Variants in VSTM2L observed in about 807,000 individuals in gnomAD.
VSTM2L encodes V-set and transmembrane domain containing 2 like, also known as V-set and transmembrane domain-containing protein 2-like protein.
A neutral mutation model predicts 19.9 loss-of-function variants in VSTM2L; 9 were observed. The observed-to-expected ratio is 0.45, with a 90% CI of 0.27 to 0.79. VSTM2L has a LOEUF of 0.79. VSTM2L is among the 30% of genes least tolerant of loss of function. The probability of loss-of-function intolerance (pLI) is 0.15; values close to 1 mark genes in which losing one functional copy is unlikely to be tolerated. For missense variants in VSTM2L, 286 were observed against 295.5 expected, an observed-to-expected ratio of 0.97 and a Z score of 0.24; for synonymous variants, 127 against 133.8, an observed-to-expected ratio of 0.95 and a Z score of 0.35.
Position 37,945,252 on chromosome 20 carries a change from G to A in VSTM2L, c.*999G>A, listed in dbSNP as rs992394161. 1.3e-5 allele frequency: 13 copies of A among 985,434 alleles called. No homozygotes were observed. Among genetic ancestry groups the A allele is most frequent in the African/African-American group, 1.7e-5 (1 of 57,244 alleles). 61.0% of individuals were successfully genotyped at this position (985,434 alleles called of 1,614,324 possible). A position where few individuals can be genotyped will look rare whatever the true frequency, so the allele number is the denominator to read the frequency against. On this transcript the variant is annotated 3_prime_UTR_variant, in exon 4 of 4. Coordinates refer to ENST00000373461, the MANE Select transcript of VSTM2L (RefSeq NM_080607.3). ...GCAGCTCAGTGATGACGTGGGGGAG[G>A]TGGGAGAGGCCGAGGGCTTTGCCTA...
At chr20:37,918,679 G>A (rs1235043563) in intron 1 of VSTM2L, among the ~76,000 whole-genome samples, 12 of 152,186 alleles carry the variant, frequency 7.9e-5, no homozygotes, top group Admixed American at 7.9e-4. Context: ...GGGACCCTGT[G>A]GAAATGGTGA....
At position 37,933,549 on chromosome 20, in the gene VSTM2L, C is replaced by T. The variant is rs1385674769; in HGVS notation, c.302C>T (p.Ser101Phe). 1 of 1,567,690 alleles carries T rather than the reference C, an allele frequency of 6.4e-7. No homozygotes were observed. Among genetic ancestry groups the T allele is most frequent in the Non-Finnish European group, 8.7e-7 (1 of 1,153,534 alleles). ...QAWASNQLKA[S>F]QQEDAGKEAT... ...CCCCGATCCCAACAGCTAAAAGCAT[C>T]TCAGCAGGAAGACGCAGGGAAGGAG... Residue 101 changes from serine to phenylalanine, a missense_variant, in exon 3 of 4, where the codon TCT (serine) becomes TTT (phenylalanine). By Grantham distance (155) the Ser-to-Phe change is radical (BLOSUM62 -2). Transcript: ENST00000373461.
chr20:37,903,549 G>A, intron 1 of VSTM2L, 78 bp downstream of exon 1: 14 of 1,331,212 alleles, frequency 1.1e-5, no homozygotes, highest in Non-Finnish European at 1.3e-5. Flanking sequence ...TGGCCGCCCC[G>A]GGGCTCGAAC....
At chr20:37,912,801 C>A (rs1371596556) in intron 1 of VSTM2L, among the ~76,000 whole-genome samples, 1 of 152,184 alleles carries the variant, frequency 6.6e-6, no homozygotes, top group Non-Finnish European at 1.5e-5. Flanking sequence ...CGGCCCCTTA[C>A]TCTCTGGATC....
chr20:37,918,143 G>A (rs2072830232), intron 1 of VSTM2L, among the ~76,000 whole-genome samples: 1 of 152,190 alleles, frequency 6.6e-6, no homozygotes, highest in Admixed American at 6.5e-5. Context: ...CAAGGATGCT[G>A]TCCCAAGAGC....
chr20:37,903,564 G>T (rs1034415231), intron 1 of VSTM2L, 93 bp downstream of exon 1: 52 of 1,314,960 alleles, frequency 4.0e-5, no homozygotes, highest in Non-Finnish European at 4.9e-5. Context: ...TCGAACCGGC[G>T]CCAGTCGTGG....
Position 37,921,418 on chromosome 20 carries a change from C to A in VSTM2L, c.122-10217C>A, listed in dbSNP as rs1029443211. Reference sequence around the variant, plus strand: ...CCAAGTACGGGAGCTTCCTGAAGGCCCCAGGCAGCCCGGAGTAGGGAAAAT... The same window carrying A: ...CCAAGTACGGGAGCTTCCTGAAGGCACCAGGCAGCCCGGAGTAGGGAAAAT... On this transcript the variant is annotated intron_variant, in intron 1 of 3. Coordinates refer to ENST00000373461, the MANE Select transcript of VSTM2L (RefSeq NM_080607.3). Among the ~76,000 whole-genome samples the A allele has an allele frequency of 4.5e-4, 69 of 152,154 alleles. 1 individual carries two copies. Among genetic ancestry groups the A allele is most frequent in the Non-Finnish European group, 1.5e-4 (10 of 68,026 alleles).
chr20:37,924,877 C>T (rs2072871611), intron 1 of VSTM2L, among the ~76,000 whole-genome samples: 1 of 152,142 alleles, frequency 6.6e-6, no homozygotes, highest in South Asian at 2.1e-4. Flanking sequence ...AGTGTGGAGC[C>T]TAGCAGCTGA....
chr20:37,921,300 T>C (rs2072849710), intron 1 of VSTM2L, among the ~76,000 whole-genome samples: 2 of 152,120 alleles, frequency 1.3e-5, no homozygotes, highest in Non-Finnish European at 2.9e-5. Context: ...GGGCTGCAGT[T>C]GGGGTCTGGG....
Position 37,933,579 on chromosome 20 carries a change from C to G in VSTM2L, c.332C>G (p.Thr111Ser). 6.2e-7 allele frequency: 1 copy of G among 1,612,076 alleles called. No individual in the cohort carries two copies. The highest frequency in any genetic ancestry group is 1.3e-5 in the African/African-American group (1 of 74,236). Reference protein sequence around the residue: ...SQQEDAGKEATKISVVKVVGS... With the variant: ...SQQEDAGKEASKISVVKVVGS... Reference sequence around the variant, plus strand: ...CAGGAAGACGCAGGGAAGGAGGCAACCAAAATAAGTGTGAGTTTTGATAAT... The same window carrying G: ...CAGGAAGACGCAGGGAAGGAGGCAAGCAAAATAAGTGTGAGTTTTGATAAT... Residue 111 changes from threonine (T) to serine (S), a missense_variant, in exon 3 of 4, where the codon ACC becomes AGC. Coordinates refer to ENST00000373461, the MANE Select transcript of VSTM2L (RefSeq NM_080607.3).
intron 1 of VSTM2L, among the ~76,000 whole-genome samples, chr20:37,921,516 G>A (rs1288519779): frequency 6.6e-6 from 1 of 152,216 alleles, no homozygotes; most frequent in Non-Finnish European, 1.5e-5. Context: ...TGTGCATGGT[G>A]TTGCTCTAGC....
Position 37,903,216 on chromosome 20 carries a change from C to T in VSTM2L, c.-135C>T, listed in dbSNP as rs992733852. The T allele has an allele frequency of 1.2e-4, 133 of 1,144,378 alleles. No homozygotes were observed. The African/African-American group carries it at 2.0e-3, about 18-fold the overall frequency. The allele number at this position is 1,144,378 out of a possible 1,614,324, so 70.9% of individuals were successfully genotyped here. A position where few individuals can be genotyped will look rare whatever the true frequency, so the allele number is the denominator to read the frequency against. On this transcript the variant is annotated 5_prime_UTR_variant, in exon 1 of 4. Coordinates refer to ENST00000373461, the MANE Select transcript of VSTM2L (RefSeq NM_080607.3). The stretch of plus-strand genomic sequence containing the variant: ...GCGAGGGCTGGGAGCTGGGCCGGGT[C>T]CGGGGACAGCGGGCGAGGGGCAGCT...
At chr20:37,930,892 C>T (rs2072904796) in intron 1 of VSTM2L, among the ~76,000 whole-genome samples, 2 of 152,186 alleles carry the variant, frequency 1.3e-5, no homozygotes, top group Non-Finnish European at 2.9e-5. Context: ...CCTCCTGGAG[C>T]TGCCGCAGGC....
chr20:37,944,423 C>A lies in VSTM2L; in HGVS notation c.*170C>A. On this transcript the variant is annotated 3_prime_UTR_variant, in exon 4 of 4. Transcript: ENST00000373461. The stretch of plus-strand genomic sequence containing the variant: ...CCACCCCTTGCTCAGCATGTAAGCC[C>A]CACCCACCCCTGCCCTTTCAGACCC... 8.5e-7 allele frequency: 1 copy of A among 1,182,612 alleles called. No individual in the cohort carries two copies. Among genetic ancestry groups the A allele is most frequent in the Non-Finnish European group, 1.1e-6 (1 of 907,624 alleles). The allele number at this position is 1,182,612 out of a possible 1,614,324, so 73.3% of individuals were successfully genotyped here.
intron 3 of VSTM2L, among the ~76,000 whole-genome samples, chr20:37,935,238 A>G (rs984098810): frequency 1.3e-5 from 2 of 152,186 alleles, no homozygotes; most frequent in Non-Finnish European, 2.9e-5. Context: ...CCCCACCCCC[A>G]GCCCCTGCAA....
chr20:37,908,316 TAA>T (rs934143591), intron 1 of VSTM2L, among the ~76,000 whole-genome samples: 4 of 152,056 alleles, frequency 2.6e-5, no homozygotes, highest in African/African-American at 9.7e-5. Flanking sequence ...GGGAGTCGGG[TAA>T]GTGACCCCTT....
At position 37,924,486 on chromosome 20, in the gene VSTM2L, A is replaced by G. The variant is rs182859397; in HGVS notation, c.122-7149A>G. On this transcript the variant is annotated intron_variant, in intron 1 of 3. Coordinates refer to ENST00000373461, the MANE Select transcript of VSTM2L (RefSeq NM_080607.3). ...GGAGAATCGCTTGAACCTGGGAAGC[A>G]GAGGTTGCAGTGAGCCGAGATGGCA... Among the ~76,000 whole-genome samples the G allele has an allele frequency of 6.8e-3, 1,023 of 150,420 alleles. 6 individuals are homozygous for G. The highest frequency in any genetic ancestry group is 0.011 in the Admixed American group (163 of 15,122).
intron 1 of VSTM2L, among the ~76,000 whole-genome samples, chr20:37,907,955 T>C (rs1485077630): frequency 6.6e-6 from 1 of 152,218 alleles, no homozygotes; most frequent in Non-Finnish European, 1.5e-5. Context: ...GTTTGGTGGC[T>C]GGAAGATGAA....
At chr20:37,931,366 C>T (rs903450139) in intron 1 of VSTM2L, among the ~76,000 whole-genome samples, 4 of 152,144 alleles carry the variant, frequency 2.6e-5, no homozygotes, top group African/African-American at 9.7e-5. Context: ...CCACAGCGCC[C>T]GGCTGCTGGT....
Sources: gnomAD v4.1 joint callset for allele counts (sites outside exome capture counted in the v4.1 genomes callset) on GRCh38, gnomAD v4.1.1 for gene constraint, MANE v1.5 for transcripts, NCBI Gene and HGNC (gene_info 2026-07-23, HGNC 2026-07-21) for gene names.